Variants in TMEM217 observed in about 807,000 individuals in gnomAD.
TMEM217 encodes transmembrane protein 217.
For missense variants in TMEM217, 204 were observed against 248.8 expected (o/e 0.82, Z 1.21); for synonymous variants, 76 against 88.3 (o/e 0.86, Z 0.78).
chr6:37,245,288 G>A (rs1012743483), intron 1 of TMEM217, among the ~76,000 whole-genome samples: 3 of 152,238 alleles, frequency 2.0e-5, no homozygotes, highest in Non-Finnish European at 4.4e-5. Flanking sequence ...TGCTGCTAAT[G>A]AGCATTTGAC....
chr6:37,258,102 T>G, exon 1 of TMEM217: 1 of 1,059,382 alleles, frequency 9.4e-7, no homozygotes, highest in Non-Finnish European at 1.3e-6. Context: ...GACTGCCTGG[T>G]GGCGGCAGGG....
intron 1 of TMEM217, among the ~76,000 whole-genome samples, chr6:37,220,730 G>T (rs1383232119): frequency 6.6e-6 from 1 of 152,000 alleles, no homozygotes; most frequent in Non-Finnish European, 1.5e-5. Flanking sequence ...ATCTTCATCA[G>T]TAATTTTTCA....
intron 1 of TMEM217, among the ~76,000 whole-genome samples, chr6:37,225,492 G>C (rs1404382825): frequency 6.6e-6 from 1 of 152,008 alleles, no homozygotes; most frequent in African/African-American, 2.4e-5. Flanking sequence ...GTTCCCTAAG[G>C]AAAAAAATAA....
chr6:37,249,421 G>GCCTCC (rs1765274858), intron 1 of TMEM217, among the ~76,000 whole-genome samples: 1 of 152,112 alleles, frequency 6.6e-6, no homozygotes, highest in African/African-American at 2.4e-5. Flanking sequence ...CCAGGTTCAA[G>GCCTCC]CAATTCTCCT....
At chr6:37,235,341 T>C (rs900306608) in intron 1 of TMEM217, among the ~76,000 whole-genome samples, 1 of 152,148 alleles carries the variant, frequency 6.6e-6, no homozygotes, top group Non-Finnish European at 1.5e-5. Flanking sequence ...CTGGGTAATA[T>C]ATAAAGAATA....
chr6:37,232,395 C>T lies in TMEM217; in HGVS notation c.-11-13354G>A, dbSNP rs437956. 2.8e-3 allele frequency among the ~76,000 whole-genome samples: 419 copies of T among 152,264 alleles called. 2 individuals are homozygous for T. Among genetic ancestry groups the T allele is most frequent in the African/African-American group, 9.3e-3 (386 of 41,568 alleles). On this transcript the variant is annotated intron_variant, in intron 1 of 1. Coordinates refer to ENST00000357219, the Ensembl canonical transcript of TMEM217. ...TTTCTGTTTTGTTTTGTTTTGTTTT[C>T]TTTTTTTTGAGACGGAGTCTCGCTC...
intron 1 of TMEM217, among the ~76,000 whole-genome samples, chr6:37,229,748 A>G (rs1764089126): frequency 6.6e-6 from 1 of 152,128 alleles, no homozygotes; most frequent in Non-Finnish European, 1.5e-5. Context: ...CTTCTCCTTA[A>G]TGTGCTGACT....
intron 1 of TMEM217, among the ~76,000 whole-genome samples, chr6:37,253,495 T>G (rs1189649851): frequency 6.6e-6 from 1 of 152,222 alleles, no homozygotes; most frequent in East Asian, 1.9e-4. Context: ...CCTTGCCTTC[T>G]CTAATATAAC....
chr6:37,227,481 C>CT (rs1763903273), intron 1 of TMEM217, among the ~76,000 whole-genome samples: 1 of 152,178 alleles, frequency 6.6e-6, no homozygotes. Context: ...GAGTCTCGCT[C>CT]TGTCACCCAG....
chr6:37,257,617 C>A (rs1765832344), exon 1 of TMEM217: 2 of 420,044 alleles, frequency 4.8e-6, no homozygotes, highest in South Asian at 3.5e-5. Flanking sequence ...CCTCTCGGCT[C>A]GTCCAAGCTC....
At chr6:37,254,223 T>G (rs2113938474) in intron 1 of TMEM217, among the ~76,000 whole-genome samples, 1 of 152,312 alleles carries the variant, frequency 6.6e-6, no homozygotes, top group East Asian at 1.9e-4. Flanking sequence ...AATATAATCC[T>G]CAGTGATTCA....
chr6:37,213,904 G>A (rs1763044292), downstream of TMEM217, among the ~76,000 whole-genome samples: 1 of 152,186 alleles, frequency 6.6e-6, no homozygotes. Context: ...CAAAGGAAGG[G>A]GCACAGTCAC....
At chr6:37,254,016 T>C (rs551538258) in intron 1 of TMEM217, among the ~76,000 whole-genome samples, 12 of 152,322 alleles carry the variant, frequency 7.9e-5, no homozygotes, top group African/African-American at 2.2e-4. Context: ...AAGTAAAAAC[T>C]TGCAGAAGCC....
chr6:37,244,651 T>C (rs571825754), intron 1 of TMEM217, among the ~76,000 whole-genome samples: 7 of 152,362 alleles, frequency 4.6e-5, no homozygotes, highest in African/African-American at 1.4e-4. Flanking sequence ...TGGAGAATCA[T>C]ATGTGTGTTG....
chr6:37,237,384 C>G (rs1764557373), intron 1 of TMEM217, among the ~76,000 whole-genome samples: 1 of 152,204 alleles, frequency 6.6e-6, no homozygotes, highest in Non-Finnish European at 1.5e-5. Context: ...AAGACCCCAT[C>G]AAGTCAAAAT....
intron 1 of TMEM217, among the ~76,000 whole-genome samples, chr6:37,242,513 CAA>C (rs1323799504): frequency 1.3e-5 from 2 of 152,142 alleles, no homozygotes; most frequent in Non-Finnish European, 2.9e-5. Flanking sequence ...CTTAAGCCTA[CAA>C]AGAGAAAAGC....
chr6:37,240,046 G>C (rs560035386), intron 1 of TMEM217, among the ~76,000 whole-genome samples: 1 of 152,234 alleles, frequency 6.6e-6, no homozygotes, highest in African/African-American at 2.4e-5. Flanking sequence ...AATGTGTCTG[G>C]GTGGCTAAGA....
chr6:37,252,617 GTA>G (rs59057594), intron 1 of TMEM217, among the ~76,000 whole-genome samples: 21 of 112,306 alleles, frequency 1.9e-4, no homozygotes, highest in Non-Finnish European at 2.0e-4. Context: ...GTATGTGTGT[GTA>G]TATATATATA....
At chr6:37,220,625 G>A (rs540331687) in intron 1 of TMEM217, among the ~76,000 whole-genome samples, 19 of 151,446 alleles carry the variant, frequency 1.3e-4, no homozygotes, top group Admixed American at 7.3e-4. Flanking sequence ...GTTTAAAGTC[G>A]TCCTAAACTG....
Sources: gnomAD v4.1 joint callset for allele counts (sites outside exome capture counted in the v4.1 genomes callset) on GRCh38, gnomAD v4.1.1 for gene constraint, MANE v1.5 for transcripts, NCBI Gene and HGNC (gene_info 2026-07-23, HGNC 2026-07-21) for gene names.